The following FUT8 variants were observed in gnomAD, a reference collection of about 807,000 sequenced individuals.
FUT8 encodes the protein alpha-(1,6)-fucosyltransferase.
FUT8 carries 29 observed loss-of-function variants against 71.3 expected under a neutral mutation model. The ratio of observed to expected loss-of-function variants is 0.41; its 90% confidence interval spans 0.30 to 0.55. The LOEUF (loss-of-function observed/expected upper bound fraction) is 0.55. Ranked by LOEUF, FUT8 falls within the 20% of genes least tolerant of loss-of-function variation. The pLI, the probability that FUT8 is intolerant of heterozygous loss-of-function variation, is 0.34. For synonymous variants in FUT8, 254 were observed against 239.3 expected, an observed-to-expected ratio of 1.06 and a Z score of -0.57; for missense variants, 544 against 702.1, an observed-to-expected ratio of 0.77 and a Z score of 2.55.
At chr14:65,720,260 A>G (rs764637388) in intron 7 of FUT8, among the ~76,000 whole-genome samples, 33 of 152,344 alleles carry the variant, frequency 2.2e-4, no homozygotes, top group Middle Eastern at 3.4e-3. Context: ...ACAAGCCCAC[A>G]GGGATTATTG....
intron 6 of FUT8, among the ~76,000 whole-genome samples, chr14:65,633,792 C>T (rs1375753740): frequency 6.6e-6 from 1 of 152,158 alleles, no homozygotes; most frequent in South Asian, 2.1e-4. Flanking sequence ...GGCAGCCACC[C>T]CGTCTGAGAA....
At chr14:65,645,597 G>C (rs1891085729) in intron 6 of FUT8, among the ~76,000 whole-genome samples, 2 of 152,138 alleles carry the variant, frequency 1.3e-5, no homozygotes, top group African/African-American at 4.8e-5. Flanking sequence ...GTAAGCTTGT[G>C]CCGTTTAGAC....
chr14:65,417,793 T>C lies in FUT8; in HGVS notation c.-326+4579T>C, dbSNP rs1431795144. On this transcript the variant is annotated intron_variant, in intron 1 of 10. Coordinates refer to ENST00000673929, the MANE Select transcript of FUT8 (RefSeq NM_001371533.1). ...TATTCTGCCTTTTCTTCTATAGTGA[T>C]TGTATAGTTATACTATAACTTCTTC... is the stretch of plus-strand genomic sequence containing the variant. Among the ~76,000 whole-genome samples, 3 of 152,324 alleles carry C rather than the reference T, an allele frequency of 2.0e-5. No homozygotes were observed. In the East Asian group the frequency reaches 5.8e-4, roughly 29 times the overall value.
chr14:65,395,535 G>A, the FUT8 span, among the ~76,000 whole-genome samples: 1 of 152,384 alleles, frequency 6.6e-6, no homozygotes, highest in South Asian at 2.1e-4. Context: ...GTTGGGGCTT[G>A]CACCCTCTGA....
rs1896545063 is a variant in FUT8, at chr14:65,742,330, A to G, written c.1648A>G (p.Thr550Ala). The change falls in exon 11 of 11, where the codon ACG becomes GCG. Residue 550 changes from threonine to alanine, a missense_variant. Physicochemically the swap from Thr to Ala is moderately conservative, Grantham distance 58. Coordinates refer to ENST00000673929, the MANE Select transcript of FUT8 (RefSeq NM_001371533.1). ...AGGTGTCAACAGGAAATTGGGAAGGACGGGCCTATATCCCTCCTACAAAGT... is the reference window on the plus strand; with the variant it reads ...AGGTGTCAACAGGAAATTGGGAAGGGCGGGCCTATATCCCTCCTACAAAGT... ...SKGVNRKLGRTGLYPSYKVRE... is the reference protein window; with the variant it reads ...SKGVNRKLGRAGLYPSYKVRE... 1.9e-6 allele frequency: 3 copies of G among 1,612,804 alleles called. No homozygotes were observed. Among genetic ancestry groups the G allele is most frequent in the Non-Finnish European group, 1.7e-6 (2 of 1,179,294 alleles).
At chr14:65,510,232 ATTGATTTGTATATG>A (rs917284196) in intron 2 of FUT8, among the ~76,000 whole-genome samples, 21 of 152,190 alleles carry the variant, frequency 1.4e-4, no homozygotes, top group Non-Finnish European at 1.9e-4. Context: ...ATATATGGTG[ATTGATTTGTATATG>A]TTGAACCATT....
intron 6 of FUT8, among the ~76,000 whole-genome samples, chr14:65,647,829 A>G (rs1555379689): frequency 6.6e-6 from 1 of 151,986 alleles, no homozygotes; most frequent in Non-Finnish European, 1.5e-5. Context: ...GACATTGGAG[A>G]ATTTCCTTAG....
intron 2 of FUT8, among the ~76,000 whole-genome samples, chr14:65,554,411 T>A (rs867337883): frequency 6.0e-5 from 8 of 132,518 alleles, no homozygotes; most frequent in South Asian, 2.5e-4. Flanking sequence ...GTTTTTTTTT[T>A]AACTATATAT....
intron 3 of FUT8, among the ~76,000 whole-genome samples, chr14:65,577,761 G>C (rs1316762284): frequency 6.6e-6 from 1 of 152,054 alleles, no homozygotes; most frequent in Non-Finnish European, 1.5e-5. Flanking sequence ...AAGTAGATTG[G>C]GGTAGGTGAT....
intron 2 of FUT8, among the ~76,000 whole-genome samples, chr14:65,528,352 C>A (rs776712941): frequency 3.3e-5 from 5 of 152,186 alleles, no homozygotes; most frequent in African/African-American, 7.2e-5. Context: ...CCGAGCCAGG[C>A]GCGGGATATA....
chr14:65,575,082 ATTATT>A (rs1171142438), intron 3 of FUT8, among the ~76,000 whole-genome samples: 3 of 151,080 alleles, frequency 2.0e-5, no homozygotes, highest in African/African-American at 7.3e-5. Context: ...ATTTTATTTT[ATTATT>A]TTATTTATTA....
chr14:65,680,503 T>A (rs1466077843), intron 7 of FUT8, among the ~76,000 whole-genome samples: 1 of 152,220 alleles, frequency 6.6e-6, no homozygotes, highest in Non-Finnish European at 1.5e-5. Flanking sequence ...ATCAGTAATA[T>A]ATGGATCTAT....
rs371848631 is a variant in FUT8, at chr14:65,427,469, C to T, written c.-326+14255C>T. Among the ~76,000 whole-genome samples the T allele has an allele frequency of 3.5e-4, 54 of 152,260 alleles. No homozygotes were observed. The South Asian group carries it at 0.011, about 30-fold the overall frequency. ...CATCTTTTGTCTTTATGTGAATAGC[C>T]ATTCTAACAGGCGTGAGGTGATACA... is the stretch of plus-strand genomic sequence containing the variant. On this transcript the variant is annotated intron_variant, in intron 1 of 10. Transcript: ENST00000673929.
At chr14:65,419,695 T>G (rs2065265780) in intron 1 of FUT8, among the ~76,000 whole-genome samples, 1 of 152,246 alleles carries the variant, frequency 6.6e-6, no homozygotes, top group Non-Finnish European at 1.5e-5. Context: ...CAATTTGCTT[T>G]CTTTTTCTAA....
At chr14:65,496,160 C>T (rs2066555870) in intron 2 of FUT8, among the ~76,000 whole-genome samples, 1 of 152,090 alleles carries the variant, frequency 6.6e-6, no homozygotes, top group African/African-American at 2.4e-5. Context: ...AACCATAAGA[C>T]TGAGTTTGTA....
intron 3 of FUT8, among the ~76,000 whole-genome samples, chr14:65,604,733 C>T (rs1888480265): frequency 6.6e-6 from 1 of 151,784 alleles, no homozygotes; most frequent in African/African-American, 2.4e-5. Context: ...CCAAACCCAA[C>T]AGAAGAAAGG....
chr14:65,494,697 A>G (rs1275953384), intron 2 of FUT8, among the ~76,000 whole-genome samples: 1 of 152,088 alleles, frequency 6.6e-6, no homozygotes, highest in African/African-American at 2.4e-5. Flanking sequence ...TGCACCTATC[A>G]ACCCATCATC....
At chr14:65,448,311 G>A (rs1199379707) in intron 1 of FUT8, among the ~76,000 whole-genome samples, 2 of 151,766 alleles carry the variant, frequency 1.3e-5, no homozygotes, top group Non-Finnish European at 2.9e-5. Context: ...CCTATAGAAT[G>A]GGGGGGCGGA....
intron 2 of FUT8, among the ~76,000 whole-genome samples, chr14:65,543,557 A>C (rs1884811869): frequency 6.6e-6 from 1 of 151,988 alleles, no homozygotes; most frequent in Non-Finnish European, 1.5e-5. Flanking sequence ...AAAAACATAG[A>C]GTGTTGTATG....
Sources: gnomAD v4.1 joint callset for allele counts (sites outside exome capture counted in the v4.1 genomes callset) on GRCh38, gnomAD v4.1.1 for gene constraint, MANE v1.5 for transcripts, NCBI Gene and HGNC (gene_info 2026-07-23, HGNC 2026-07-21) for gene names.